Variants in SFTPC observed in about 807,000 individuals in gnomAD.
SFTPC encodes the protein surfactant protein C, also known as BRICHOS domain containing 6.
SFTPC carries 12 observed loss-of-function variants against 19.9 expected under a neutral mutation model. The ratio of observed to expected loss-of-function variants is 0.60; its 90% confidence interval spans 0.39 to 0.98. The LOEUF is 0.98. SFTPC is among the 50% of genes least tolerant of loss of function. The probability of loss-of-function intolerance (pLI) is 0.00; values close to 1 mark genes in which losing one functional copy is unlikely to be tolerated. For missense variants in SFTPC, 219 were observed against 252.2 expected (o/e 0.87, Z 0.89); for synonymous variants, 123 against 103.3 (o/e 1.19, Z -1.16).
intron 1 of SFTPC, 64 bp from the exon 2 acceptor site, chr8:22,162,510 T>C: frequency 1.9e-6 from 3 of 1,579,028 alleles, no homozygotes; most frequent in South Asian, 1.1e-5. Context: ...TCAGCTTGTA[T>C]AGGGAGAAGA....
intron 1 of SFTPC, 89 bp from the exon 2 acceptor site, chr8:22,162,485 G>T: frequency 1.4e-6 from 2 of 1,464,616 alleles, no homozygotes; most frequent in Non-Finnish European, 1.9e-6. Flanking sequence ...GCCCTAGGCA[G>T]CCGTGGGAGG....
chr8:22,164,193 G>C, intron 5 of SFTPC, 73 bp from the exon 6 acceptor site: 4 of 1,534,842 alleles, frequency 2.6e-6, no homozygotes, highest in Non-Finnish European at 3.5e-6. Context: ...TCGGGGGAGG[G>C]GAAGCTCACA....
chr8:22,162,848 A>G, intron 2 of SFTPC, 116 bp downstream of exon 2: 1 of 1,439,858 alleles, frequency 6.9e-7, no homozygotes, highest in South Asian at 1.1e-5. Flanking sequence ...CAAGGGGCAC[A>G]GCTAGAAGGA....
At chr8:22,160,194 A>G (rs990967994), upstream of SFTPC, among the ~76,000 whole-genome samples, 7 of 152,124 alleles carry the variant, frequency 4.6e-5, 1 homozygote, top group Non-Finnish European at 8.8e-5. Flanking sequence ...CCATGCTGTT[A>G]TGCAACCTTG....
At chr8:22,158,115 G>GC (rs1827568969), upstream of SFTPC, among the ~76,000 whole-genome samples, 1 of 152,218 alleles carries the variant, frequency 6.6e-6, no homozygotes. Context: ...GCTGTCAGCT[G>GC]CCTGGGCTTC....
chr8:22,161,741 C>T, upstream of SFTPC: 1 of 1,612,846 alleles, frequency 6.2e-7, no homozygotes, highest in Non-Finnish European at 8.5e-7. Flanking sequence ...CTTGGTCCTT[C>T]ACCTCTGTCC....
At chr8:22,159,483 G>A, upstream of SFTPC, 1 of 336,092 alleles carries the variant, frequency 3.0e-6, no homozygotes. Flanking sequence ...AGGAACCCAA[G>A]ACCTTCACTT....
chr8:22,160,281 G>A (rs1297078310), upstream of SFTPC, among the ~76,000 whole-genome samples: 2 of 152,142 alleles, frequency 1.3e-5, no homozygotes, highest in African/African-American at 4.8e-5. Context: ...GCCCAGGTGG[G>A]AGGGGGCTGG....
At chr8:22,158,061 A>G (rs1827566537), upstream of SFTPC, among the ~76,000 whole-genome samples, 1 of 152,182 alleles carries the variant, frequency 6.6e-6, no homozygotes. Flanking sequence ...GTGGCGGAGG[A>G]TGACTGTCCT....
intron 1 of SFTPC, 68 bp from the exon 2 acceptor site, chr8:22,162,506 T>A: frequency 6.4e-7 from 1 of 1,567,212 alleles, no homozygotes; most frequent in Non-Finnish European, 8.8e-7. Context: ...GTGTTCAGCT[T>A]GTATAGGGAG....
chr8:22,157,857 A>G (rs920725878), upstream of SFTPC, among the ~76,000 whole-genome samples: 3 of 152,232 alleles, frequency 2.0e-5, no homozygotes, highest in African/African-American at 4.8e-5. Flanking sequence ...GATTTATGTC[A>G]TAACCTATAT....
At chr8:22,159,807 C>T (rs1242645355), upstream of SFTPC, 1 of 1,289,458 alleles carries the variant, frequency 7.8e-7, no homozygotes, top group Non-Finnish European at 1.0e-6. Flanking sequence ...GCCTGCAGTG[C>T]TTGGCTCTCC....
upstream of SFTPC, chr8:22,159,944 G>A (rs989484541): frequency 1.1e-5 from 9 of 830,292 alleles, no homozygotes; most frequent in African/African-American, 8.8e-5. Flanking sequence ...CACTGCAGGC[G>A]AGCTGTCTCC....
In SFTPC at chr8:22,164,462, G is replaced by T; in HGVS notation, c.*215G>T. ...ACTCCTGCCACAACAGAATAAAGCAGCCTGATTGAAAAGCAAAGGGTCTGC... is the reference window on the plus strand; with the variant it reads ...ACTCCTGCCACAACAGAATAAAGCATCCTGATTGAAAAGCAAAGGGTCTGC... On this transcript the variant is annotated 3_prime_UTR_variant, in exon 6 of 6. Transcript: ENST00000679463. 6.9e-7 allele frequency: 1 copy of T among 1,458,282 alleles called. No homozygotes were observed. The allele number at this position is 1,458,282 out of a possible 1,614,324, so 90.3% of individuals were successfully genotyped here.
upstream of SFTPC, chr8:22,159,850 G>C (rs1162022981): frequency 4.7e-6 from 6 of 1,289,140 alleles, no homozygotes; most frequent in East Asian, 2.8e-4. Context: ...CTCAGGCCCA[G>C]TACTCGTGAG....
chr8:22,161,950 G>A, intron 1 of SFTPC, 80 bp downstream of exon 1: 1 of 1,412,778 alleles, frequency 7.1e-7, no homozygotes, highest in Non-Finnish European at 1.0e-6. Flanking sequence ...ATCCTCCCTG[G>A]CCTGTTTCCT....
intron 4 of SFTPC, 56 bp downstream of exon 4, chr8:22,163,602 G>A (rs1442700449): frequency 1.6e-6 from 2 of 1,265,166 alleles, no homozygotes; most frequent in African/African-American, 1.5e-5. Flanking sequence ...CTGCTGGGAG[G>A]AGTGTCCGAA....
rs1033897127 is a variant in SFTPC, at chr8:22,162,488, G to A, written c.43-86G>A. The A allele has an allele frequency of 6.2e-5, 92 of 1,482,304 alleles. 2 individuals are homozygous for A. Among genetic ancestry groups the A allele is most frequent in the East Asian group, 5.0e-4 (22 of 44,158 alleles). 91.8% of individuals were successfully genotyped at this position (1,482,304 alleles called of 1,614,324 possible). Reference sequence around the variant, plus strand: ...ATCGGCTGTCCAGCCCTAGGCAGCCGTGGGAGGGTGTTCAGCTTGTATAGG... The same window carrying A: ...ATCGGCTGTCCAGCCCTAGGCAGCCATGGGAGGGTGTTCAGCTTGTATAGG... On this transcript the variant is annotated intron_variant, in intron 1 of 5. Coordinates refer to ENST00000679463, the MANE Select transcript of SFTPC (RefSeq NM_001317778.2).
chr8:22,160,376 T>C (rs8192319), upstream of SFTPC, among the ~76,000 whole-genome samples: 408 of 152,194 alleles, frequency 2.7e-3, 1 homozygote, highest in African/African-American at 9.4e-3. Context: ...CCTAGCACTT[T>C]AGGAGGCCGA....
Sources: gnomAD v4.1 joint callset for allele counts (sites outside exome capture counted in the v4.1 genomes callset) on GRCh38, gnomAD v4.1.1 for gene constraint, MANE v1.5 for transcripts, NCBI Gene and HGNC (gene_info 2026-07-23, HGNC 2026-07-21) for gene names.